Variants in PTPRM observed in about 807,000 individuals in gnomAD.
PTPRM encodes the protein protein tyrosine phosphatase receptor type M.
A neutral mutation model predicts 186.7 loss-of-function variants in PTPRM; 47 were observed. The observed-to-expected ratio is 0.25, with a 90% confidence interval of 0.20 to 0.32. The LOEUF (loss-of-function observed/expected upper bound fraction) is 0.32, where lower values mean the gene tolerates loss of function less well. Ranked by LOEUF, PTPRM falls within the 10% of genes least tolerant of loss-of-function variation. PTPRM has a pLI of 1.00. For synonymous variants in PTPRM, 668 were observed against 674.9 expected (o/e 0.99, Z 0.16); for missense variants, 1,494 against 1,865.0 (o/e 0.80, Z 3.66).
rs867230999 is a variant in PTPRM at position 8,247,978 on chromosome 18, G to A, written c.2527+59G>A. The A allele has an allele frequency of 9.0e-6, 13 of 1,446,764 alleles. 1 individual carries two copies. The highest frequency in any genetic ancestry group is 3.4e-5 in the South Asian group (3 of 87,286). 89.6% of individuals were successfully genotyped at this position (1,446,764 alleles called of 1,614,324 possible). ...TCTCCTCAGCAGTCAGAATCACTCC[G>A]CCCTCTCTCTGCTATCCCTGGTGCT... On this transcript the variant is annotated intron_variant, in intron 16 of 32. Transcript: ENST00000580170.
intron 7 of PTPRM, among the ~76,000 whole-genome samples, chr18:8,049,125 C>T (rs28709298): frequency 0.023 from 3,475 of 152,272 alleles, 126 homozygotes; most frequent in African/African-American, 0.079. Flanking sequence ...TCACTGCAGA[C>T]TCATATTTGT....
At chr18:7,912,597 C>T (rs1269780548) in intron 4 of PTPRM, among the ~76,000 whole-genome samples, 4 of 152,056 alleles carry the variant, frequency 2.6e-5, no homozygotes, top group African/African-American at 7.2e-5. Context: ...CTGCAAGCTC[C>T]GCCTACCGGG....
At chr18:7,780,577 T>A (rs1391216176) in intron 2 of PTPRM, among the ~76,000 whole-genome samples, 2 of 152,196 alleles carry the variant, frequency 1.3e-5, no homozygotes, top group Non-Finnish European at 2.9e-5. Flanking sequence ...AGTCCTATTA[T>A]CTGTAAAATA....
chr18:8,133,022 G>A (rs987780707), intron 13 of PTPRM, among the ~76,000 whole-genome samples: 9 of 152,272 alleles, frequency 5.9e-5, no homozygotes, highest in African/African-American at 1.9e-4. Context: ...CATTTTGCTG[G>A]TATCTGGTAG....
intron 1 of PTPRM, among the ~76,000 whole-genome samples, chr18:7,660,751 G>A (rs530295893): frequency 4.1e-4 from 63 of 152,222 alleles, no homozygotes; most frequent in Non-Finnish European, 1.6e-4. Context: ...GCAGTCAGAC[G>A]TGGAATTTCT....
chr18:7,954,402 T>C (rs1311625755), intron 6 of PTPRM, among the ~76,000 whole-genome samples: 1 of 152,196 alleles, frequency 6.6e-6, no homozygotes, highest in East Asian at 1.9e-4. Flanking sequence ...TCCAGAATGC[T>C]CGATTCTCCT....
At chr18:8,092,048 TC>T (rs1258666242) in intron 11 of PTPRM, among the ~76,000 whole-genome samples, 5 of 152,284 alleles carry the variant, frequency 3.3e-5, no homozygotes, top group African/African-American at 4.8e-5. Flanking sequence ...CCCATTTTTT[TC>T]AATTGATTTG....
chr18:7,938,696 G>A (rs910922823), intron 5 of PTPRM, among the ~76,000 whole-genome samples: 5 of 152,166 alleles, frequency 3.3e-5, no homozygotes, highest in African/African-American at 1.2e-4. Flanking sequence ...TTTATTAAAT[G>A]ATGTTATTCA....
intron 1 of PTPRM, among the ~76,000 whole-genome samples, chr18:7,602,938 T>TATTATTATG (rs1248170089): frequency 6.1e-4 from 87 of 143,752 alleles, no homozygotes; most frequent in African/African-American, 2.1e-3. Context: ...TTATTATTAT[T>TATTATTATG]ATTATTTGAG....
intron 2 of PTPRM, among the ~76,000 whole-genome samples, chr18:7,824,939 C>T (rs1350582319): frequency 6.6e-6 from 1 of 152,134 alleles, no homozygotes; most frequent in East Asian, 1.9e-4. Context: ...TTGTATTTTC[C>T]AGACTTAAGC....
At chr18:8,283,978 A>AT (rs1190390537) in intron 19 of PTPRM, among the ~76,000 whole-genome samples, 2 of 151,990 alleles carry the variant, frequency 1.3e-5, no homozygotes, top group African/African-American at 4.8e-5. Context: ...TACTAAAAGA[A>AT]TTTTTTTGTC....
chr18:8,363,234 A>G (rs2095607603), intron 23 of PTPRM, among the ~76,000 whole-genome samples: 1 of 152,238 alleles, frequency 6.6e-6, no homozygotes, highest in Admixed American at 6.5e-5. Flanking sequence ...TAAGGATAAT[A>G]GTACTTACCC....
At chr18:7,609,191 C>A (rs984867474) in intron 1 of PTPRM, among the ~76,000 whole-genome samples, 1 of 152,158 alleles carries the variant, frequency 6.6e-6, no homozygotes, top group Non-Finnish European at 1.5e-5. Flanking sequence ...TTTTTCTGCC[C>A]AGCCGTCTGT....
chr18:8,316,077 C>T (rs1389495736), intron 21 of PTPRM, among the ~76,000 whole-genome samples: 1 of 152,202 alleles, frequency 6.6e-6, no homozygotes, highest in East Asian at 1.9e-4. Flanking sequence ...TTATCTCCTC[C>T]TCACAGTCTC....
intron 22 of PTPRM, among the ~76,000 whole-genome samples, chr18:8,321,164 A>T (rs1400409142): frequency 6.6e-6 from 1 of 152,218 alleles, no homozygotes; most frequent in Non-Finnish European, 1.5e-5. Context: ...TTTGAAATTA[A>T]CAGTTTTTGT....
chr18:8,192,482 C>T (rs1428816997), intron 14 of PTPRM, among the ~76,000 whole-genome samples: 2 of 152,082 alleles, frequency 1.3e-5, no homozygotes, highest in African/African-American at 2.4e-5. Flanking sequence ...ACACAAGAGC[C>T]TGCATGAAAG....
chr18:7,681,407 G>A (rs544756490), intron 1 of PTPRM, among the ~76,000 whole-genome samples: 1 of 152,132 alleles, frequency 6.6e-6, no homozygotes, highest in African/African-American at 2.4e-5. Context: ...TTCTTAATGA[G>A]CAAATGTGTA....
In PTPRM at chr18:8,041,468, GA is replaced by G. The variant is rs111472760; in HGVS notation, c.1133-28208del. 6.7e-5 allele frequency among the ~76,000 whole-genome samples: 10 copies of G among 149,356 alleles called. No individual in the cohort carries two copies. In the East Asian group the frequency reaches 9.9e-4, roughly 15 times the overall value. ...TGAGATGCACCATGTGTGACCAAAA[GA>G]AAAAAAAAAGGCCAAGCATATTTGT... On this transcript the variant is annotated intron_variant, in intron 7 of 32. Transcript: ENST00000580170.
At chr18:8,304,313 C>T (rs2095195047) in intron 20 of PTPRM, among the ~76,000 whole-genome samples, 1 of 152,192 alleles carries the variant, frequency 6.6e-6, no homozygotes, top group Non-Finnish European at 1.5e-5. Context: ...TAGGGTGGGG[C>T]ATAGACCTGC....
Sources: gnomAD v4.1 joint callset for allele counts (sites outside exome capture counted in the v4.1 genomes callset) on GRCh38, gnomAD v4.1.1 for gene constraint, MANE v1.5 for transcripts, NCBI Gene and HGNC (gene_info 2026-07-23, HGNC 2026-07-21) for gene names.